KCNT2: variants seen among roughly 807,000 people sequenced by gnomAD.
The protein encoded by KCNT2 is potassium sodium-activated channel subfamily T member 2.
KCNT2 carries 67 observed loss-of-function variants against 153.8 expected under a neutral mutation model. That is an observed-to-expected ratio of 0.44 (90% CI 0.36 to 0.53). The LOEUF (loss-of-function observed/expected upper bound fraction) is 0.53, where lower values mean the gene tolerates loss of function less well. Among genes scored for constraint, KCNT2 ranks in the 20% least tolerant of loss-of-function variants. The pLI is 0.00. For missense variants in KCNT2, 975 were observed against 1,354.8 expected (o/e 0.72, Z 4.40); for synonymous variants, 500 against 458.8 (o/e 1.09, Z -1.15).
Position 196,291,653 on chromosome 1 carries a change from C to T in KCNT2, c.2596-5895G>A, listed in dbSNP as rs371218939. On this transcript the variant is annotated intron_variant, in intron 22 of 27. Transcript: ENST00000294725. ...GAAAACAACATATGGCTAGAAGTTA[C>T]AAACTGGCAGTAATTAGTCCAAATC... Among the ~76,000 whole-genome samples the T allele has an allele frequency of 5.9e-5, 9 of 152,238 alleles. No homozygotes were observed. In the East Asian group the frequency reaches 1.2e-3, roughly 20 times the overall value.
chr1:196,573,192 C>T (rs184351186), intron 1 of KCNT2, among the ~76,000 whole-genome samples: 17 of 152,068 alleles, frequency 1.1e-4, no homozygotes, highest in Admixed American at 9.2e-4. Flanking sequence ...AGAGTTATGG[C>T]TATTTTTAAG....
intron 1 of KCNT2, among the ~76,000 whole-genome samples, chr1:196,507,548 G>A (rs1325186690): frequency 6.6e-6 from 1 of 151,936 alleles, no homozygotes; most frequent in Non-Finnish European, 1.5e-5. Context: ...CAGGTGGAGG[G>A]GTAACTCAGC....
intron 8 of KCNT2, among the ~76,000 whole-genome samples, chr1:196,447,488 A>G (rs1675789974): frequency 1.3e-5 from 2 of 151,642 alleles, no homozygotes; most frequent in Admixed American, 6.6e-5. Context: ...GAGAGAAAGT[A>G]CGATGTAAGT....
intron 3 of KCNT2, among the ~76,000 whole-genome samples, chr1:196,484,591 G>A (rs1215894830): frequency 6.6e-6 from 1 of 151,998 alleles, no homozygotes; most frequent in African/African-American, 2.4e-5. Flanking sequence ...TTGTCATGAA[G>A]TCTTTGCCCA....
intron 14 of KCNT2, among the ~76,000 whole-genome samples, chr1:196,363,592 T>C (rs1274587086): frequency 6.6e-6 from 1 of 152,094 alleles, no homozygotes; most frequent in African/African-American, 2.4e-5. Context: ...TGGATTAACA[T>C]CCTATGGCTG....
At chr1:196,289,706 A>C (rs1660011288) in intron 22 of KCNT2, among the ~76,000 whole-genome samples, 1 of 152,078 alleles carries the variant, frequency 6.6e-6, no homozygotes, top group Admixed American at 6.5e-5. Context: ...ATGTCTAGTT[A>C]TTGGGTTTTA....
At chr1:196,477,172 G>T (rs6688138) in intron 5 of KCNT2, among the ~76,000 whole-genome samples, 2 of 149,242 alleles carry the variant, frequency 1.3e-5, no homozygotes, top group African/African-American at 4.9e-5. Flanking sequence ...GCAATAATGA[G>T]AATTAAAAAA....
intron 12 of KCNT2, among the ~76,000 whole-genome samples, chr1:196,420,136 T>C (rs1673082350): frequency 6.6e-6 from 1 of 152,072 alleles, no homozygotes; most frequent in Admixed American, 6.6e-5. Context: ...GTTTACCTTC[T>C]AGGCTTTTTA....
chr1:196,452,725 TG>T (rs34335739), intron 8 of KCNT2, among the ~76,000 whole-genome samples: 149,144 of 151,980 alleles, frequency 0.98, 73,221 homozygotes, highest in Middle Eastern at 1. Flanking sequence ...TATAAATAGA[TG>T]GTATTATAAG....
intron 1 of KCNT2, among the ~76,000 whole-genome samples, chr1:196,602,485 G>A (rs1664830158): frequency 6.6e-6 from 1 of 152,174 alleles, no homozygotes; most frequent in African/African-American, 2.4e-5. Flanking sequence ...GAGCCCCAGG[G>A]AAATGATTAA....
chr1:196,425,679 T>C (rs1050874934), intron 11 of KCNT2, among the ~76,000 whole-genome samples, 173 bp downstream of exon 11: 3 of 151,980 alleles, frequency 2.0e-5, no homozygotes, highest in African/African-American at 7.2e-5. Flanking sequence ...ACTGATTTTA[T>C]GATATATTTT....
chr1:196,581,038 C>T (rs1185890745), intron 1 of KCNT2, among the ~76,000 whole-genome samples: 1 of 152,014 alleles, frequency 6.6e-6, no homozygotes, highest in African/African-American at 2.4e-5. Context: ...CTCAAGAAAT[C>T]ATCTTGACTA....
intron 25 of KCNT2, 29 bp downstream of exon 25, chr1:196,280,831 A>C: frequency 6.3e-7 from 1 of 1,599,650 alleles, no homozygotes. Context: ...ATTAAACATC[A>C]AAACAAGAAT....
chr1:196,329,495 CT>C (rs1176886120), intron 18 of KCNT2, among the ~76,000 whole-genome samples: 1 of 151,854 alleles, frequency 6.6e-6, no homozygotes, highest in Non-Finnish European at 1.5e-5. Context: ...ATTATTTCCA[CT>C]TTTTTGTCTC....
intron 21 of KCNT2, among the ~76,000 whole-genome samples, chr1:196,314,911 T>G (rs1260678137): frequency 1.3e-5 from 2 of 151,762 alleles, no homozygotes; most frequent in Non-Finnish European, 2.9e-5. Context: ...ATTGCATGTT[T>G]CTAAATCTTT....
intron 8 of KCNT2, among the ~76,000 whole-genome samples, chr1:196,457,014 C>T (rs932661354): frequency 3.3e-5 from 5 of 151,896 alleles, no homozygotes; most frequent in African/African-American, 1.2e-4. Context: ...TAATTCTCAA[C>T]TGAGATCCCA....
intron 1 of KCNT2, among the ~76,000 whole-genome samples, chr1:196,558,380 CGTGTGT>C (rs142132505): frequency 1.8e-4 from 26 of 147,324 alleles, no homozygotes; most frequent in South Asian, 1.3e-3. Context: ...TCTAAAATAA[CGTGTGT>C]GTGTGTGTGT....
intron 1 of KCNT2, among the ~76,000 whole-genome samples, chr1:196,563,872 G>C (rs763624004): frequency 1.3e-5 from 2 of 151,672 alleles, no homozygotes; most frequent in African/African-American, 4.8e-5. Flanking sequence ...CACAATAAAG[G>C]CCATCTATTA....
intron 3 of KCNT2, among the ~76,000 whole-genome samples, chr1:196,486,831 C>A (rs557991569): frequency 2.0e-5 from 3 of 151,958 alleles, no homozygotes; most frequent in African/African-American, 7.2e-5. Context: ...AGATATGATA[C>A]TAAGCCCACA....
Sources: allele counts gnomAD v4.1 joint callset (sites outside exome capture counted in the v4.1 genomes callset), GRCh38; gene constraint gnomAD v4.1.1; transcripts MANE v1.5; gene names NCBI Gene and HGNC (gene_info 2026-07-23, HGNC 2026-07-21).